The following PLA2G4E variants were observed in gnomAD, a reference collection of about 807,000 sequenced individuals.
PLA2G4E encodes phospholipase A2 group IVE, also known as cytosolic phospholipase A2 epsilon.
In PLA2G4E, 84 loss-of-function variants were observed where a neutral mutation model predicts 109.1. The ratio of observed to expected loss-of-function variants is 0.77; its 90% CI spans 0.65 to 0.92. The LOEUF is 0.92. Ranked by LOEUF, PLA2G4E falls within the 40% of genes least tolerant of loss-of-function variation. The pLI is 0.00. For synonymous variants in PLA2G4E, 469 were observed against 436.1 expected (o/e 1.08, Z -0.94); for missense variants, 1,057 against 1,076.6 (o/e 0.98, Z 0.25).
intron 17 of PLA2G4E, among the ~76,000 whole-genome samples, chr15:41,986,423 G>A (rs988239748): frequency 2.6e-5 from 4 of 152,174 alleles, no homozygotes; most frequent in African/African-American, 9.7e-5. Flanking sequence ...CTGAGCTGAC[G>A]CTGCAGGACC....
chr15:42,046,286 C>T lies in PLA2G4E; in HGVS notation c.183+4235G>A, dbSNP rs867914972. 5.3e-5 allele frequency among the ~76,000 whole-genome samples: 8 copies of T among 152,344 alleles called. No individual in the cohort carries two copies. The Middle Eastern group carries it at 0.01, about 194-fold the overall frequency. The stretch of plus-strand genomic sequence containing the variant: ...CAGGTTAAAGCCCTCCATGGGCTCC[C>T]CCTGTCTTTTGGAACAAAATCAAAG... On this transcript the variant is annotated intron_variant, in intron 1 of 19. Coordinates refer to ENST00000399518, the Ensembl canonical transcript of PLA2G4E.
At chr15:41,997,430 TC>T in intron 10 of PLA2G4E, 171 bp from the exon 11 acceptor site, 3 of 641,078 alleles carry the variant, frequency 4.7e-6, no homozygotes, top group Non-Finnish European at 7.4e-6. Context: ...CGTGCTGAAC[TC>T]TCAGCACTGT....
At chr15:42,043,562 TA>T (rs1470121529) in intron 1 of PLA2G4E, among the ~76,000 whole-genome samples, 2 of 11,568 alleles carry the variant, frequency 1.7e-4, no homozygotes, top group African/African-American at 9.1e-4. Flanking sequence ...TGATGGAGGA[TA>T]CAAAAAAAAA....
chr15:42,004,894 G>C (rs2598464), intron 5 of PLA2G4E, 44 bp downstream of exon 5: 1 of 1,601,904 alleles, frequency 6.2e-7, no homozygotes, highest in East Asian at 2.3e-5. Context: ...GAAGCTACTT[G>C]ATGGCCAGGA....
chr15:42,026,684 G>A (rs2068695476), intron 1 of PLA2G4E, among the ~76,000 whole-genome samples: 1 of 152,252 alleles, frequency 6.6e-6, no homozygotes, highest in Non-Finnish European at 1.5e-5. Context: ...AGAAAGATAT[G>A]TATGAGGGTC....
Position 42,000,095 on chromosome 15 carries a change from G to C in PLA2G4E, c.852+9C>G. ...CCCCACACCTCCCCCAGTGTCAGCC[G>C]CCTTGTACCCCACAGCTCCAGTGAC... On this transcript the variant is annotated intron_variant, in intron 8 of 19. Coordinates refer to ENST00000399518, the Ensembl canonical transcript of PLA2G4E. 1 of 1,580,042 alleles carries C rather than the reference G, an allele frequency of 6.3e-7. No homozygotes were observed. Among genetic ancestry groups the C allele is most frequent in the Non-Finnish European group, 8.6e-7 (1 of 1,162,870 alleles).
chr15:42,023,325 G>C (rs1044812439), intron 1 of PLA2G4E, among the ~76,000 whole-genome samples: 2 of 151,262 alleles, frequency 1.3e-5, no homozygotes, highest in Non-Finnish European at 2.9e-5. Flanking sequence ...TGTGTTCAGA[G>C]GTCACCCTTC....
chr15:42,034,327 T>G (rs1889169924), intron 1 of PLA2G4E, among the ~76,000 whole-genome samples: 1 of 152,256 alleles, frequency 6.6e-6, no homozygotes, highest in African/African-American at 2.4e-5. Flanking sequence ...ATAATTTGAT[T>G]ACTTTCTGAT....
At chr15:42,025,492 C>G (rs2068686105) in intron 1 of PLA2G4E, among the ~76,000 whole-genome samples, 1 of 152,094 alleles carries the variant, frequency 6.6e-6, no homozygotes, top group Admixed American at 6.5e-5. Flanking sequence ...ATACCTCCCC[C>G]CACCCCCCAC....
intron 3 of PLA2G4E, 177 bp from the exon 4 acceptor site, chr15:42,006,298 T>C (rs948840224): frequency 7.3e-6 from 5 of 683,416 alleles, no homozygotes; most frequent in South Asian, 6.9e-5. Context: ...GGAAGGCAAG[T>C]GTCTATTCCC....
intron 2 of PLA2G4E, chr15:42,010,182 G>A (rs762954664): frequency 1.3e-5 from 7 of 521,094 alleles, no homozygotes; most frequent in South Asian, 8.7e-5. Context: ...TCTCCGGTAC[G>A]CTGGGAGCCT....
chr15:42,010,556 C>T (rs2068526261), intron 2 of PLA2G4E, among the ~76,000 whole-genome samples: 1 of 152,202 alleles, frequency 6.6e-6, no homozygotes, highest in South Asian at 2.1e-4. Flanking sequence ...TTCCTAGGCA[C>T]AGATAAGTTC....
In PLA2G4E at chr15:42,004,498, G is replaced by T. The variant is rs1334566763; in HGVS notation, c.566+440C>A. Among the ~76,000 whole-genome samples the T allele has an allele frequency of 3.9e-5, 6 of 152,228 alleles. No homozygotes were observed. In the South Asian group the frequency reaches 6.2e-4, roughly 16 times the overall value. ...CTCCCATTGACGTGGTTCCAGAGTT[G>T]GCTGCAGAGTTGGCTGCTTGCGGCC... On this transcript the variant is annotated intron_variant, in intron 5 of 19. Transcript: ENST00000399518.
chr15:41,994,048 A>G (rs1033938286), intron 12 of PLA2G4E, among the ~76,000 whole-genome samples: 3 of 151,890 alleles, frequency 2.0e-5, no homozygotes, highest in African/African-American at 7.3e-5. Flanking sequence ...TTCTTAACCT[A>G]CTACCGGGGG....
At chr15:41,988,741 C>A (rs529263366) in intron 15 of PLA2G4E, among the ~76,000 whole-genome samples, 2 of 152,328 alleles carry the variant, frequency 1.3e-5, no homozygotes, top group South Asian at 4.1e-4. Context: ...GTTTTCTAAA[C>A]CACATGCTCA....
At chr15:42,012,877 T>C (rs1328153196) in intron 2 of PLA2G4E, among the ~76,000 whole-genome samples, 2 of 152,196 alleles carry the variant, frequency 1.3e-5, no homozygotes, top group Admixed American at 1.3e-4. Context: ...GCTCCCCACC[T>C]GTGGGGCCTG....
chr15:42,021,507 G>A (rs1434039023), intron 1 of PLA2G4E, among the ~76,000 whole-genome samples: 1 of 147,964 alleles, frequency 6.8e-6, no homozygotes, highest in East Asian at 2.2e-4. Flanking sequence ...GGGGTCCCTG[G>A]CCACAACTCC....
intron 1 of PLA2G4E, among the ~76,000 whole-genome samples, chr15:42,025,216 GGAAAA>G (rs537697695): frequency 1.7e-3 from 258 of 148,112 alleles, no homozygotes; most frequent in Non-Finnish European, 3.0e-3. Context: ...AAAAAAAAAA[GGAAAA>G]GAAAAGAAAA....
At chr15:41,982,077 A>T (rs1302654445) in exon 20 of PLA2G4E, 3 of 152,194 alleles carry the variant, frequency 2.0e-5, no homozygotes, top group Non-Finnish European at 4.4e-5. Context: ...CTGCACTTTG[A>T]GTAGCAAGGA....
Sources: gnomAD v4.1 joint callset for allele counts (sites outside exome capture counted in the v4.1 genomes callset) on GRCh38, gnomAD v4.1.1 for gene constraint, MANE v1.5 for transcripts, NCBI Gene and HGNC (gene_info 2026-07-23, HGNC 2026-07-21) for gene names.